The following SYNM variants were observed in gnomAD, a reference collection of about 807,000 sequenced individuals.
The protein encoded by SYNM is synemin, also known as desmuslin.
Under a neutral mutation model 104.0 loss-of-function variants are expected in SYNM, and 95 were observed. The observed-to-expected ratio is 0.91, with a 90% CI of 0.77 to 1.08. The LOEUF (loss-of-function observed/expected upper bound fraction) is 1.08, where lower values mean the gene tolerates loss of function less well. Among genes scored for constraint, SYNM ranks in the 50% least tolerant of loss-of-function variants. SYNM has a pLI of 0.00. For missense variants in SYNM, 2,150 were observed against 2,052.2 expected, an observed-to-expected ratio of 1.05 and a Z score of -0.92; for synonymous variants, 918 against 869.0, an observed-to-expected ratio of 1.06 and a Z score of -0.99.
In SYNM at chr15:99,130,609, A is replaced by G. The variant is rs1555485640; in HGVS notation, c.2249A>G (p.Glu750Gly). The G allele has an allele frequency of 6.2e-7, 1 of 1,611,796 alleles. No individual in the cohort carries two copies. Among genetic ancestry groups the G allele is most frequent in the Admixed American group, 1.7e-5 (1 of 59,836 alleles). Residue 750 changes from glutamate to glycine, a missense_variant, in exon 4 of 4, where the codon GAG becomes GGG. Physicochemically the swap from Glu to Gly is moderately conservative, Grantham distance 98. Coordinates refer to ENST00000336292, the MANE Select transcript of SYNM (RefSeq NM_145728.3). Reference sequence around the variant, plus strand: ...AAGGTCGTCAACGTGGAGATCGTGGAGGAGCCCGTGAGTTATGTCAGCGGG... The same window carrying G: ...AAGGTCGTCAACGTGGAGATCGTGGGGGAGCCCGTGAGTTATGTCAGCGGG... The part of the protein sequence containing the change: ...RAKVVNVEIV[E>G]EPVSYVSGEK...
At chr15:99,112,826 T>G (rs2067311537) in intron 1 of SYNM, among the ~76,000 whole-genome samples, 1 of 152,264 alleles carries the variant, frequency 6.6e-6, no homozygotes, top group Non-Finnish European at 1.5e-5. Flanking sequence ...TTCCTGTTCC[T>G]CAGCCTCCTG....
rs780401517 is a variant in SYNM, at chr15:99,134,635, C to G, written c.*1577C>G. The G allele has an allele frequency of 1.3e-5, 2 of 152,210 alleles. No individual in the cohort carries two copies. Among genetic ancestry groups the G allele is most frequent in the African/African-American group, 4.8e-5 (2 of 41,452 alleles). 9.4% of individuals were successfully genotyped at this position (152,210 alleles called of 1,614,324 possible). ...GACAGCACTGGAGGGTCTTCCCTCTCAGATTCACCTGGAGGCCCTCAGACC... is the reference window on the plus strand; with the variant it reads ...GACAGCACTGGAGGGTCTTCCCTCTGAGATTCACCTGGAGGCCCTCAGACC... On this transcript the variant is annotated 3_prime_UTR_variant, in exon 4 of 4. Transcript: ENST00000336292.
Position 99,130,171 on chromosome 15 carries a change from GT to G in SYNM, c.1812del (p.Gly605ValfsTer30). 3.1e-6 allele frequency: 5 copies of G among 1,613,934 alleles called. No individual in the cohort carries two copies. The highest frequency in any genetic ancestry group is 4.2e-6 in the Non-Finnish European group (5 of 1,179,890). On this transcript the variant is annotated frameshift_variant, in exon 4 of 4. Coordinates refer to ENST00000336292, the MANE Select transcript of SYNM (RefSeq NM_145728.3). LOFTEE classifies it high-confidence loss of function. ...TTGCAGACGCCTGTGAAGGATGCTG[GT>G]GGTGGGACCGGTAGAGAGGCAGAAG... ...KGLQTPVKDAGGGTGREAEAR... is the reference protein window; with the variant it reads ...KGLQTPVKDAXGGTGREAEAR...
chr15:99,130,716 G>T lies in SYNM; in HGVS notation c.2356G>T (p.Glu786Ter). 2 of 1,613,698 alleles carry T rather than the reference G, an allele frequency of 1.2e-6. No homozygotes were observed. Among genetic ancestry groups the T allele is most frequent in the South Asian group, 1.1e-5 (1 of 91,056 alleles). ...GCCAGGCCCCTGGGGGTTGGTTAAG[G>T]AGGAGGAAGGTTATGGAGAAAGCGA... ...VSPGPWGLVK[E>*]EEGYGESDVT... Residue 786 changes from glutamate to a stop codon, truncating the protein, a stop_gained, in exon 4 of 4, where the codon GAG (glutamate) becomes TAG (stop). Coordinates refer to ENST00000336292, the MANE Select transcript of SYNM (RefSeq NM_145728.3). LOFTEE classifies it high-confidence loss of function.
At chr15:99,114,177 A>G (rs1015031333) in intron 2 of SYNM, among the ~76,000 whole-genome samples, 1 of 152,190 alleles carries the variant, frequency 6.6e-6, no homozygotes, top group East Asian at 1.9e-4. Flanking sequence ...TAATTGACTC[A>G]CAGTTATTCC....
chr15:99,109,210 T>C (rs568295092), intron 1 of SYNM, among the ~76,000 whole-genome samples: 2 of 152,346 alleles, frequency 1.3e-5, no homozygotes, highest in East Asian at 3.9e-4. Flanking sequence ...GCCCCAGGCC[T>C]GGCCTCAGAT....
chr15:99,113,777 G>A (rs2067321783), intron 2 of SYNM, 62 bp downstream of exon 2: 6 of 1,595,734 alleles, frequency 3.8e-6, no homozygotes, highest in Non-Finnish European at 5.1e-6. Context: ...GCACATGAAG[G>A]AAACTGGTCT....
At chr15:99,129,214 G>A (rs1555485344) in intron 3 of SYNM, 153 bp from the exon 4 acceptor site, 3 of 1,138,682 alleles carry the variant, frequency 2.6e-6, no homozygotes, top group East Asian at 5.2e-5. Context: ...AATAATTTGG[G>A]CACCAAATAT....
chr15:99,110,353 G>T (rs2067290441), intron 1 of SYNM, among the ~76,000 whole-genome samples: 1 of 152,188 alleles, frequency 6.6e-6, no homozygotes, highest in Non-Finnish European at 1.5e-5. Flanking sequence ...CTTTACTGCG[G>T]GGCATTGGTT....
At chr15:99,138,889 G>A (rs1265808217), downstream of SYNM, among the ~76,000 whole-genome samples, 2 of 152,346 alleles carry the variant, frequency 1.3e-5, no homozygotes, top group East Asian at 1.9e-4. Context: ...ACGGCAGAGC[G>A]CTGGGCCTCT....
chr15:99,130,816 C>T lies in SYNM; in HGVS notation c.2456C>T (p.Thr819Ile). The stretch of plus-strand genomic sequence containing the variant: ...AACACGACTCACGTGGAAGAAGTGA[C>T]AGAGGCAGGTGATTCAGAGGGCGAG... Reference protein sequence around the residue: ...QENTTHVEEVTEAGDSEGEQS... With the variant: ...QENTTHVEEVIEAGDSEGEQS... The change falls in exon 4 of 4, where the codon ACA becomes ATA. Residue 819 changes from threonine to isoleucine, a missense_variant. Physicochemically the swap from Thr to Ile is moderately conservative, Grantham distance 89. Transcript: ENST00000336292. 1 of 1,614,000 alleles carries T rather than the reference C, an allele frequency of 6.2e-7. No individual in the cohort carries two copies. The highest frequency in any genetic ancestry group is 8.5e-7 in the Non-Finnish European group (1 of 1,179,878).
rs781821881 is a variant in SYNM, at chr15:99,131,167, C to A, written c.2807C>A (p.Ser936Tyr). The A allele has an allele frequency of 2.5e-6, 4 of 1,605,226 alleles. No homozygotes were observed. Among genetic ancestry groups the A allele is most frequent in the Non-Finnish European group, 3.4e-6 (4 of 1,175,800 alleles). Residue 936 changes from serine to tyrosine, a missense_variant, in exon 4 of 4, where the codon TCC becomes TAC. Transcript: ENST00000336292. This position sits in a 1 kb window ranked among gnomAD's most constrained non-coding sequence, Gnocchi z 4.3. ...AAAATACCCCACGAATTCCACACCTCCATGAAGGGCATCTCCTCCAAGGAG... is the reference window on the plus strand; with the variant it reads ...AAAATACCCCACGAATTCCACACCTACATGAAGGGCATCTCCTCCAAGGAG... ...EIKIPHEFHTSMKGISSKEPR... is the reference protein window; with the variant it reads ...EIKIPHEFHTYMKGISSKEPR...
the SYNM span, chr15:99,141,038 A>AG: frequency 6.6e-6 from 1 of 152,204 alleles, no homozygotes; most frequent in Non-Finnish European, 1.5e-5. Flanking sequence ...AACCTCAATG[A>AG]GGTAGGTACC....
intron 3 of SYNM, among the ~76,000 whole-genome samples, chr15:99,128,668 G>A (rs1345651120): frequency 6.6e-6 from 1 of 152,236 alleles, no homozygotes; most frequent in Non-Finnish European, 1.5e-5. Flanking sequence ...GCTGGGGTGT[G>A]GACACCCCAA....
Position 99,133,674 on chromosome 15 carries a change from C to T in SYNM, c.*616C>T, listed in dbSNP as rs1446409330. On this transcript the variant is annotated 3_prime_UTR_variant, in exon 4 of 4. Coordinates refer to ENST00000336292, the MANE Select transcript of SYNM (RefSeq NM_145728.3). Reference sequence around the variant, plus strand: ...TGCTTTCTATGTACAGAACTTTAAACAATATAGTATTTATGGCGAGGACAG... The same window carrying T: ...TGCTTTCTATGTACAGAACTTTAAATAATATAGTATTTATGGCGAGGACAG... The T allele has an allele frequency of 1.3e-5, 2 of 155,254 alleles. No homozygotes were observed. Among genetic ancestry groups the T allele is most frequent in the Admixed American group, 1.3e-4 (2 of 15,866 alleles). The allele number at this position is 155,254 out of a possible 1,614,324, so 9.6% of individuals were successfully genotyped here.
chr15:99,130,936 C>A lies in SYNM; in HGVS notation c.2576C>A (p.Ser859Tyr). The stretch of plus-strand genomic sequence containing the variant: ...GGGCAGATCCACATCGAGGAGGAAT[C>A]CACCATCAGGTACTCTTGGCAGGAT... The part of the protein sequence containing the change: ...VYGQIHIEEE[S>Y]TIRYSWQDEI... The change falls in exon 4 of 4, where the codon TCC becomes TAC. Residue 859 changes from serine (S) to tyrosine (Y), a missense_variant. Ser to Tyr is a moderately radical substitution (Grantham distance 144). Coordinates refer to ENST00000336292, the MANE Select transcript of SYNM (RefSeq NM_145728.3). The A allele has an allele frequency of 6.2e-7, 1 of 1,613,814 alleles. No homozygotes were observed.
At position 99,132,915 on chromosome 15, in the gene SYNM, C is replaced by T; in HGVS notation, c.4555C>T (p.Gln1519Ter). Residue 1519 changes from glutamine to a stop codon, truncating the protein, a stop_gained, in exon 4 of 4, where the codon CAG (glutamine) becomes TAG (stop). Coordinates refer to ENST00000336292, the MANE Select transcript of SYNM (RefSeq NM_145728.3). LOFTEE classifies it high-confidence loss of function. ...GGAAGGAGACCAGGCCCACAGAGAA[C>T]AGGGCAAGGAGCAGGCCATGTTTGA... ...AGEGDQAHRE[Q>*]GKEQAMFDKK... 2.5e-6 allele frequency: 4 copies of T among 1,613,804 alleles called. No individual in the cohort carries two copies. Among genetic ancestry groups the T allele is most frequent in the Non-Finnish European group, 3.4e-6 (4 of 1,179,860 alleles).
At chr15:99,137,715 TGAAGA>T (rs2067702607), downstream of SYNM, 2 of 386,976 alleles carry the variant, frequency 5.2e-6, no homozygotes, top group African/African-American at 2.0e-5. Flanking sequence ...ACTGAACTGT[TGAAGA>T]GAAGTTTTTC....
At chr15:99,106,090 G>A in intron 1 of SYNM, 81 bp downstream of exon 1, 1 of 1,322,670 alleles carries the variant, frequency 7.6e-7, no homozygotes, top group Non-Finnish European at 9.7e-7. Context: ...GTGGGGCAGC[G>A]GCCCCTTCAC....
Sources: gnomAD v4.1 joint callset for allele counts (sites outside exome capture counted in the v4.1 genomes callset) on GRCh38, gnomAD v4.1.1 for gene constraint, Gnocchi (gnomAD v3.1) non-coding constraint, MANE v1.5 for transcripts, NCBI Gene and HGNC (gene_info 2026-07-23, HGNC 2026-07-21) for gene names.